PRKCE: variants seen among roughly 807,000 people sequenced by gnomAD.
The protein encoded by PRKCE is protein kinase C epsilon type.
A neutral mutation model predicts 85.4 loss-of-function variants in PRKCE; 16 were observed. That is an observed-to-expected ratio of 0.19 (90% CI 0.13 to 0.28). The LOEUF is 0.28. Ranked by LOEUF, PRKCE falls within the 10% of genes least tolerant of loss-of-function variation. The pLI is 1.00. For missense variants in PRKCE, 573 were observed against 975.2 expected (o/e 0.59, Z 5.49); for synonymous variants, 388 against 371.5 (o/e 1.04, Z -0.51).
At position 45,712,012 on chromosome 2, in the gene PRKCE, C is replaced by T. The variant is rs139354305; in HGVS notation, c.348+59564C>T. On this transcript the variant is annotated intron_variant, in intron 1 of 14. Transcript: ENST00000306156. ...ACTCTGCAGATGAAAGGTTATGTGA[C>T]GGGGGCAGATCCTCAGTTTAGCCCC... 2.7e-4 allele frequency among the ~76,000 whole-genome samples: 41 copies of T among 152,188 alleles called. 1 individual carries two copies. In the East Asian group the frequency reaches 2.9e-3, roughly 11 times the overall value.
chr2:45,793,594 T>A (rs1687194830), intron 1 of PRKCE, among the ~76,000 whole-genome samples: 1 of 152,218 alleles, frequency 6.6e-6, no homozygotes. Context: ...ACTGATTTTC[T>A]CTCTGATGCT....
chr2:46,163,991 G>A (rs899806538), intron 14 of PRKCE, among the ~76,000 whole-genome samples: 2 of 152,186 alleles, frequency 1.3e-5, no homozygotes, highest in Non-Finnish European at 2.9e-5. Flanking sequence ...ACCCCACAGA[G>A]GTTGTGGTGA....
chr2:45,719,345 G>C (rs914336929), intron 1 of PRKCE, among the ~76,000 whole-genome samples: 2 of 152,234 alleles, frequency 1.3e-5, no homozygotes, highest in African/African-American at 4.8e-5. Context: ...TAATCTTACA[G>C]TTTTATTCTG....
chr2:45,981,143 A>G (rs59401188), intron 5 of PRKCE, among the ~76,000 whole-genome samples: 2,201 of 152,330 alleles, frequency 0.014, 56 homozygotes, highest in East Asian at 0.086. Context: ...CAATGAAGCT[A>G]GGTTCACCTA....
At chr2:45,918,587 T>C (rs969259785) in intron 2 of PRKCE, among the ~76,000 whole-genome samples, 18 of 152,242 alleles carry the variant, frequency 1.2e-4, no homozygotes, top group African/African-American at 4.3e-4. Context: ...TTTCGGTTTC[T>C]ATAGTTACTT....
intron 10 of PRKCE, among the ~76,000 whole-genome samples, chr2:46,082,627 TG>T (rs1342180845): frequency 6.6e-6 from 1 of 152,052 alleles, no homozygotes; most frequent in Non-Finnish European, 1.5e-5. Context: ...TCAGTGAGGA[TG>T]GGGAGCATCT....
intron 1 of PRKCE, among the ~76,000 whole-genome samples, chr2:45,732,838 G>C (rs1215798481): frequency 1.3e-5 from 2 of 152,328 alleles, no homozygotes; most frequent in African/African-American, 4.8e-5. Context: ...ACTGTTTTCT[G>C]AGTTCTCCTA....
At chr2:45,787,607 A>C (rs542178203) in intron 1 of PRKCE, among the ~76,000 whole-genome samples, 1 of 152,346 alleles carries the variant, frequency 6.6e-6, no homozygotes, top group African/African-American at 2.4e-5. Context: ...AAAGCCCTTC[A>C]ACCAGGGGTA....
intron 1 of PRKCE, among the ~76,000 whole-genome samples, chr2:45,696,614 CT>C (rs1167283943): frequency 1.3e-5 from 2 of 152,148 alleles, no homozygotes; most frequent in African/African-American, 2.4e-5. Flanking sequence ...TCGAAACAGG[CT>C]TTTCTGAATA....
chr2:46,012,744 G>C (rs1705792495), intron 10 of PRKCE, among the ~76,000 whole-genome samples: 1 of 152,196 alleles, frequency 6.6e-6, no homozygotes, highest in Non-Finnish European at 1.5e-5. Context: ...TGAGGGAGTG[G>C]GAATGGATGT....
chr2:45,966,672 T>A (rs1295955976), intron 2 of PRKCE, among the ~76,000 whole-genome samples: 1 of 152,190 alleles, frequency 6.6e-6, no homozygotes, highest in Non-Finnish European at 1.5e-5. Context: ...TCTGCTTTTT[T>A]CTAGAGTTAA....
At chr2:45,808,643 T>A (rs540755302) in intron 1 of PRKCE, among the ~76,000 whole-genome samples, 1 of 152,048 alleles carries the variant, frequency 6.6e-6, no homozygotes, top group Admixed American at 6.5e-5. Context: ...CTGGGTTGGG[T>A]GGTGGGAGGG....
chr2:45,668,603 T>C (rs1307402518), intron 1 of PRKCE, among the ~76,000 whole-genome samples: 1 of 152,122 alleles, frequency 6.6e-6, no homozygotes, highest in Non-Finnish European at 1.5e-5. Context: ...GTCAAGCATT[T>C]ATAGGCTAGC....
intron 11 of PRKCE, among the ~76,000 whole-genome samples, chr2:46,093,812 C>T (rs536724765): frequency 5.3e-5 from 8 of 152,094 alleles, no homozygotes; most frequent in Admixed American, 1.3e-4. Flanking sequence ...CTATCACATA[C>T]GCACACCCTT....
intron 10 of PRKCE, among the ~76,000 whole-genome samples, chr2:46,059,434 G>A (rs1666904970): frequency 6.6e-6 from 1 of 152,158 alleles, no homozygotes; most frequent in South Asian, 2.1e-4. Context: ...ATTAACCAGG[G>A]ATGATTCTTG....
rs79979501 is a variant in PRKCE at position 45,804,417 on chromosome 2, C to T, written c.349-38583C>T. On this transcript the variant is annotated intron_variant, in intron 1 of 14. Coordinates refer to ENST00000306156, the MANE Select transcript of PRKCE (RefSeq NM_005400.3). ...CCTGGGCATGCCGAGTCGAGGTGGC[C>T]GCAGGTTATTCTAATGGCCTTCCAG... Among the ~76,000 whole-genome samples, 1,513 of 152,228 alleles carry T rather than the reference C, an allele frequency of 9.9e-3. 10 individuals are homozygous for T. The highest frequency in any genetic ancestry group is 0.024 in the Middle Eastern group (7 of 294).
chr2:46,148,295 C>G (rs1037968862), intron 12 of PRKCE, among the ~76,000 whole-genome samples: 48 of 152,224 alleles, frequency 3.2e-4, no homozygotes, highest in African/African-American at 1.1e-3. Flanking sequence ...GAAGCCTTGC[C>G]CTTCTGCCCA....
chr2:45,669,469 C>T (rs1468156237), intron 1 of PRKCE, among the ~76,000 whole-genome samples: 1 of 152,218 alleles, frequency 6.6e-6, no homozygotes, highest in Non-Finnish European at 1.5e-5. Flanking sequence ...TACCGCGCAG[C>T]GTGGCTGAAG....
intron 2 of PRKCE, among the ~76,000 whole-genome samples, chr2:45,928,353 C>T (rs1333122075): frequency 6.6e-6 from 1 of 152,208 alleles, no homozygotes; most frequent in East Asian, 1.9e-4. Context: ...CTGCAACCTC[C>T]GCCTCGCGGG....
Sources: allele counts gnomAD v4.1 joint callset (sites outside exome capture counted in the v4.1 genomes callset), GRCh38; gene constraint gnomAD v4.1.1; transcripts MANE v1.5; gene names NCBI Gene and HGNC (gene_info 2026-07-23, HGNC 2026-07-21).